The following ELAPOR2 variants were observed in gnomAD, a reference collection of about 807,000 sequenced individuals.
ELAPOR2 encodes the protein endosome/lysosome-associated apoptosis and autophagy regulator family member 2.
Under a neutral mutation model 120.7 loss-of-function variants are expected in ELAPOR2, and 89 were observed. That is an observed-to-expected ratio of 0.74 (90% CI 0.62 to 0.88). The LOEUF (loss-of-function observed/expected upper bound fraction) is 0.88. Among genes scored for constraint, ELAPOR2 ranks in the 40% least tolerant of loss-of-function variants. ELAPOR2 has a pLI of 0.00. For synonymous variants in ELAPOR2, 444 were observed against 444.9 expected, an observed-to-expected ratio of 1.00 and a Z score of 0.03; for missense variants, 1,134 against 1,251.6, an observed-to-expected ratio of 0.91 and a Z score of 1.42.
intron 1 of ELAPOR2, among the ~76,000 whole-genome samples, chr7:86,973,911 A>T (rs1792187727): frequency 6.6e-6 from 1 of 152,164 alleles, no homozygotes; most frequent in African/African-American, 2.4e-5. Context: ...ATATGACAAC[A>T]TCCAAACATA....
In ELAPOR2 at chr7:86,877,534, C is replaced by CA. The variant is rs1799213387; in HGVS notation, c.*2936dup. ...AACATGGCTAATGAAGTCATCCTCTCACAGCAACCCCCAGAGAAATTTATT... is the reference window on the plus strand; with the variant it reads ...AACATGGCTAATGAAGTCATCCTCTCAACAGCAACCCCCAGAGAAATTTATT... On this transcript the variant is annotated 3_prime_UTR_variant, in exon 22 of 22. Transcript: ENST00000450689. 6.6e-6 allele frequency: 1 copy of CA among 152,186 alleles called. No individual in the cohort carries two copies. Among genetic ancestry groups the CA allele is most frequent in the African/African-American group, 2.4e-5 (1 of 41,450 alleles). The allele number at this position is 152,186 out of a possible 1,614,324, so 9.4% of individuals were successfully genotyped here. A position where few individuals can be genotyped will look rare whatever the true frequency, so the allele number is the denominator to read the frequency against.
At chr7:86,984,565 C>T (rs965485068) in intron 1 of ELAPOR2, among the ~76,000 whole-genome samples, 14 of 152,184 alleles carry the variant, frequency 9.2e-5, no homozygotes, top group Non-Finnish European at 2.1e-4. Context: ...GGAAACTGAA[C>T]AACCTGCTCC....
intron 8 of ELAPOR2, among the ~76,000 whole-genome samples, chr7:86,930,082 A>G (rs1006292865): frequency 5.9e-5 from 9 of 151,960 alleles, no homozygotes; most frequent in African/African-American, 1.4e-4. Context: ...AATACTTAAC[A>G]GCTTTGACCA....
At chr7:86,934,591 T>C (rs1453480697) in intron 8 of ELAPOR2, among the ~76,000 whole-genome samples, 1 of 151,992 alleles carries the variant, frequency 6.6e-6, no homozygotes, top group African/African-American at 2.4e-5. Flanking sequence ...CCAGCCATTT[T>C]CCTCAGGCAC....
intron 1 of ELAPOR2, among the ~76,000 whole-genome samples, chr7:87,004,840 T>A (rs1198566526): frequency 6.6e-6 from 1 of 152,092 alleles, no homozygotes; most frequent in African/African-American, 2.4e-5. Flanking sequence ...ACTTTAAGTA[T>A]CTTTCTCTAA....
chr7:86,916,955 ATTTTTTTTTTT>A (rs58682563), intron 12 of ELAPOR2, among the ~76,000 whole-genome samples: 11 of 86,688 alleles, frequency 1.3e-4, no homozygotes, highest in African/African-American at 3.4e-4. Context: ...TGGCCAGCTA[ATTTTTTTTTTT>A]TTTTTTTTTT....
At chr7:87,008,944 A>G (rs1048747838) in intron 1 of ELAPOR2, among the ~76,000 whole-genome samples, 2 of 152,190 alleles carry the variant, frequency 1.3e-5, no homozygotes, top group African/African-American at 4.8e-5. Context: ...GTGAGCCACA[A>G]AAAAAGCTAT....
intron 21 of ELAPOR2, among the ~76,000 whole-genome samples, chr7:86,882,017 C>T (rs770199526): frequency 2.0e-5 from 3 of 152,134 alleles, no homozygotes; most frequent in Non-Finnish European, 2.9e-5. Flanking sequence ...TATAGAAAAA[C>T]ATCATAGCAT....
chr7:86,906,911 TAATA>T (rs1333136134), intron 18 of ELAPOR2, among the ~76,000 whole-genome samples: 3 of 151,836 alleles, frequency 2.0e-5, no homozygotes, highest in African/African-American at 7.3e-5. Flanking sequence ...AAATATAAAG[TAATA>T]AATAATCTTC....
At chr7:86,975,888 G>T (rs1792267937) in intron 1 of ELAPOR2, among the ~76,000 whole-genome samples, 1 of 152,172 alleles carries the variant, frequency 6.6e-6, no homozygotes, top group African/African-American at 2.4e-5. Context: ...TTGAGCTGAA[G>T]GTGGGCCAAA....
intron 1 of ELAPOR2, among the ~76,000 whole-genome samples, chr7:86,999,513 T>C (rs1298565050): frequency 2.0e-5 from 3 of 151,976 alleles, no homozygotes; most frequent in African/African-American, 4.8e-5. Flanking sequence ...AAATGCAGAG[T>C]AAAGAATAAA....
intron 21 of ELAPOR2, among the ~76,000 whole-genome samples, chr7:86,883,225 T>C (rs1285321168): frequency 6.6e-6 from 1 of 152,170 alleles, no homozygotes; most frequent in Non-Finnish European, 1.5e-5. Context: ...TTTTAATTGC[T>C]GAGAAAAGTC....
intron 1 of ELAPOR2, among the ~76,000 whole-genome samples, chr7:87,035,132 C>G (rs1053400659): frequency 6.6e-6 from 1 of 151,666 alleles, no homozygotes; most frequent in Non-Finnish European, 1.5e-5. Context: ...ACTAATGCAT[C>G]AAGGTCAAAT....
chr7:86,995,793 T>G (rs1002687596), intron 1 of ELAPOR2, among the ~76,000 whole-genome samples: 4 of 152,248 alleles, frequency 2.6e-5, no homozygotes, highest in African/African-American at 9.6e-5. Context: ...AGTTTATTTT[T>G]ATAGATTACA....
chr7:86,911,186 T>G (rs1024729233), intron 15 of ELAPOR2, among the ~76,000 whole-genome samples: 1 of 152,154 alleles, frequency 6.6e-6, no homozygotes, highest in African/African-American at 2.4e-5. Context: ...CCACAGTATC[T>G]GGCACATAAC....
At chr7:86,921,356 A>T (rs1361830621) in intron 10 of ELAPOR2, among the ~76,000 whole-genome samples, 1 of 152,140 alleles carries the variant, frequency 6.6e-6, no homozygotes, top group East Asian at 1.9e-4. Flanking sequence ...AGATGTAGAC[A>T]CACAGGGAGA....
intron 20 of ELAPOR2, among the ~76,000 whole-genome samples, chr7:86,892,383 G>C (rs575231091): frequency 6.6e-6 from 1 of 151,994 alleles, no homozygotes; most frequent in Non-Finnish European, 1.5e-5. Context: ...GTCCCACTGA[G>C]GTGTAAATCA....
At chr7:87,025,026 T>G (rs968266347) in intron 1 of ELAPOR2, among the ~76,000 whole-genome samples, 1 of 151,810 alleles carries the variant, frequency 6.6e-6, no homozygotes, top group Non-Finnish European at 1.5e-5. Context: ...GGATGTAATT[T>G]ATAAGATTAT....
intron 1 of ELAPOR2, among the ~76,000 whole-genome samples, chr7:87,037,593 C>T (rs1160065177): frequency 6.6e-6 from 1 of 152,174 alleles, no homozygotes. Context: ...GCAAGAGTCT[C>T]CTAACTGATC....
Sources: allele counts gnomAD v4.1 joint callset (sites outside exome capture counted in the v4.1 genomes callset), GRCh38; gene constraint gnomAD v4.1.1; transcripts MANE v1.5; gene names NCBI Gene and HGNC (gene_info 2026-07-23, HGNC 2026-07-21).